The following CCDC91 variants were observed in gnomAD, a reference collection of about 807,000 sequenced individuals.
CCDC91 encodes coiled-coil domain-containing protein 91.
Under a neutral mutation model 63.2 loss-of-function variants are expected in CCDC91, and 48 were observed. The ratio of observed to expected loss-of-function variants is 0.76; its 90% CI spans 0.60 to 0.97. The LOEUF (loss-of-function observed/expected upper bound fraction) is 0.97. Among genes scored for constraint, CCDC91 ranks in the 50% least tolerant of loss-of-function variants. CCDC91 has a pLI of 0.00. For missense variants in CCDC91, 500 were observed against 494.6 expected, an observed-to-expected ratio of 1.01 and a Z score of -0.10; for synonymous variants, 167 against 165.8, an observed-to-expected ratio of 1.01 and a Z score of -0.06.
chr12:28,252,643 C>T (rs1315335328), intron 1 of CCDC91, among the ~76,000 whole-genome samples: 1 of 152,050 alleles, frequency 6.6e-6, no homozygotes, highest in Non-Finnish European at 1.5e-5. Context: ...GATGAACTAT[C>T]TTCTGTTGTT....
At chr12:28,536,779 A>G (rs1942212693) in intron 12 of CCDC91, among the ~76,000 whole-genome samples, 1 of 152,154 alleles carries the variant, frequency 6.6e-6, no homozygotes. Flanking sequence ...TTTGATCAGA[A>G]TGTCTTTGGT....
intron 6 of CCDC91, among the ~76,000 whole-genome samples, chr12:28,333,844 G>A (rs1401978883): frequency 6.6e-6 from 1 of 152,130 alleles, no homozygotes; most frequent in African/African-American, 2.4e-5. Flanking sequence ...TAATGCGAAT[G>A]TGAGTTACAA....
chr12:28,218,543 T>G (rs1403610614), intron 1 of CCDC91, among the ~76,000 whole-genome samples: 1 of 152,124 alleles, frequency 6.6e-6, no homozygotes, highest in Non-Finnish European at 1.5e-5. Context: ...ACTACCATAT[T>G]ATATGGAATA....
intron 12 of CCDC91, among the ~76,000 whole-genome samples, chr12:28,531,102 C>T (rs1446480246): frequency 2.0e-5 from 3 of 152,192 alleles, no homozygotes; most frequent in Admixed American, 6.6e-5. Flanking sequence ...GGTTGTTTTA[C>T]GATTTGGAAT....
intron 12 of CCDC91, among the ~76,000 whole-genome samples, chr12:28,511,519 C>G (rs1592907117): frequency 6.6e-6 from 1 of 151,840 alleles, no homozygotes; most frequent in Non-Finnish European, 1.5e-5. Flanking sequence ...CGTCTGTTTT[C>G]CCCTCAAGAA....
chr12:28,447,297 G>T (rs1949549903), intron 8 of CCDC91, among the ~76,000 whole-genome samples: 1 of 151,628 alleles, frequency 6.6e-6, no homozygotes, highest in African/African-American at 2.4e-5. Context: ...GTTCCAAAAG[G>T]TTACAGAATA....
chr12:28,450,815 A>G (rs1211639826), intron 10 of CCDC91, among the ~76,000 whole-genome samples: 1 of 151,824 alleles, frequency 6.6e-6, no homozygotes. Flanking sequence ...ACACACACCA[A>G]CAAATACACT....
At chr12:28,233,520 A>G (rs1365402686) in intron 1 of CCDC91, among the ~76,000 whole-genome samples, 3 of 152,190 alleles carry the variant, frequency 2.0e-5, no homozygotes, top group Non-Finnish European at 4.4e-5. Context: ...ATCTATGTAA[A>G]GTGACAATAC....
intron 1 of CCDC91, among the ~76,000 whole-genome samples, chr12:28,193,369 G>A (rs777081134): frequency 3.3e-5 from 5 of 152,144 alleles, no homozygotes; most frequent in Non-Finnish European, 2.9e-5. Flanking sequence ...TTGGGAGGCC[G>A]AGGTGGGCAG....
chr12:28,363,627 T>A (rs1292795956), intron 7 of CCDC91, among the ~76,000 whole-genome samples: 1 of 152,182 alleles, frequency 6.6e-6, no homozygotes, highest in African/African-American at 2.4e-5. Flanking sequence ...CTCACGCCTG[T>A]AATCCCAGCA....
At chr12:28,250,475 AC>A (rs1253908427) in intron 1 of CCDC91, among the ~76,000 whole-genome samples, 3 of 152,132 alleles carry the variant, frequency 2.0e-5, no homozygotes, top group Non-Finnish European at 4.4e-5. Flanking sequence ...AAAATTATTA[AC>A]CCCAATAATA....
chr12:28,299,310 C>A (rs751163781), intron 3 of CCDC91, among the ~76,000 whole-genome samples: 38 of 151,480 alleles, frequency 2.5e-4, no homozygotes, highest in Non-Finnish European at 1.0e-4. Flanking sequence ...TCATTTTCTT[C>A]CCTTTCCTTC....
intron 11 of CCDC91, among the ~76,000 whole-genome samples, chr12:28,460,424 G>C (rs1344807567): frequency 2.0e-5 from 3 of 152,054 alleles, no homozygotes; most frequent in Non-Finnish European, 4.4e-5. Context: ...GAGTAAAGAG[G>C]GTTAGATTTG....
At chr12:28,472,615 G>A (rs11049645) in intron 11 of CCDC91, among the ~76,000 whole-genome samples, 31,748 of 152,068 alleles carry the variant, frequency 0.21, 4,346 homozygotes, top group Non-Finnish European at 0.31. Context: ...ATGCTGATCT[G>A]TAATGAGAGA....
chr12:28,462,661 G>T (rs1950362517), intron 11 of CCDC91, among the ~76,000 whole-genome samples: 1 of 152,096 alleles, frequency 6.6e-6, no homozygotes, highest in Non-Finnish European at 1.5e-5. Context: ...GTTTGTACCA[G>T]ATACTATCGT....
At chr12:28,302,818 A>T (rs1938226303) in intron 3 of CCDC91, 1 of 159,134 alleles carries the variant, frequency 6.3e-6, no homozygotes, top group Non-Finnish European at 1.3e-5. Context: ...TAAGGTGAGT[A>T]TATAGATCTA....
At position 28,368,828 on chromosome 12, in the gene CCDC91, GAA is replaced by G. The variant is rs1421948676; in HGVS notation, c.654+6315_654+6316del. Among the ~76,000 whole-genome samples the G allele has an allele frequency of 7.7e-5, 11 of 142,350 alleles. No homozygotes were observed. The South Asian group carries it at 1.1e-3, about 14-fold the overall frequency. 93.4% of individuals were successfully genotyped at this position (142,350 alleles called of 152,430 possible). ...CACAAGGCAGCAGTGGGGAGAGAGA[GAA>G]AGAGAGAGAGAGAGAGAGAGAGAGA... On this transcript the variant is annotated intron_variant, in intron 7 of 12. Transcript: ENST00000536442.
chr12:28,219,557 T>G (rs986361281), intron 1 of CCDC91, among the ~76,000 whole-genome samples: 10 of 150,464 alleles, frequency 6.6e-5, no homozygotes, highest in African/African-American at 2.5e-4. Flanking sequence ...CTGCAAGCTC[T>G]GCCTCCTGGG....
At chr12:28,443,525 C>A (rs1478238851) in intron 8 of CCDC91, among the ~76,000 whole-genome samples, 1 of 151,854 alleles carries the variant, frequency 6.6e-6, no homozygotes, top group Non-Finnish European at 1.5e-5. Flanking sequence ...CACTGAGAGC[C>A]TCTAGAGGGT....
Sources: allele counts gnomAD v4.1 joint callset (sites outside exome capture counted in the v4.1 genomes callset), GRCh38; gene constraint gnomAD v4.1.1; transcripts MANE v1.5; gene names NCBI Gene and HGNC (gene_info 2026-07-23, HGNC 2026-07-21).